The following COL14A1 variants were observed in gnomAD, a reference collection of about 807,000 sequenced individuals.
COL14A1 encodes collagen type XIV alpha 1 chain.
Under a neutral mutation model 230.3 loss-of-function variants are expected in COL14A1, and 136 were observed. The observed-to-expected ratio is 0.59, with a 90% CI of 0.51 to 0.68. The LOEUF (loss-of-function observed/expected upper bound fraction) is 0.68. Among genes scored for constraint, COL14A1 ranks in the 30% least tolerant of loss-of-function variants. The pLI is 0.00. For synonymous variants in COL14A1, 792 were observed against 784.1 expected (o/e 1.01, Z -0.17); for missense variants, 1,976 against 2,215.8 (o/e 0.89, Z 2.17).
At chr8:120,243,041 T>C (rs116479243) in intron 19 of COL14A1, among the ~76,000 whole-genome samples, 2,505 of 152,276 alleles carry the variant, frequency 0.016, 57 homozygotes, top group African/African-American at 0.055. Flanking sequence ...CCAGCCATGA[T>C]TAAGTTCTTT....
chr8:120,294,304 A>T (rs144290957), intron 34 of COL14A1, among the ~76,000 whole-genome samples: 2,147 of 151,882 alleles, frequency 0.014, 30 homozygotes, highest in South Asian at 0.042. Context: ...ACCCCAAGTG[A>T]CTTGCCTTTT....
chr8:120,308,316 A>C (rs753361119), intron 36 of COL14A1, among the ~76,000 whole-genome samples: 68 of 152,364 alleles, frequency 4.5e-4, no homozygotes, highest in Non-Finnish European at 8.1e-4. Context: ...AATTGTGGGA[A>C]TAAAACTACT....
chr8:120,228,776 T>A lies in COL14A1; in HGVS notation c.2197+7T>A, dbSNP rs1563684370. 6.2e-7 allele frequency: 1 copy of A among 1,612,988 alleles called. No homozygotes were observed. Among genetic ancestry groups the A allele is most frequent in the Non-Finnish European group, 8.5e-7 (1 of 1,179,126 alleles). ...ACCACATCTGTGACTTCAGGTAAGG[T>A]CAAATAGTAGCCTGCTTAACCACTT... On this transcript the variant is annotated splice_region_variant and intron_variant, in intron 18 of 47. Transcript: ENST00000297848.
At position 120,231,627 on chromosome 8, in the gene COL14A1, A is replaced by G. The variant is rs776910736; in HGVS notation, c.2349+9A>G. On this transcript the variant is annotated intron_variant, in intron 19 of 47. Coordinates refer to ENST00000297848, the MANE Select transcript of COL14A1 (RefSeq NM_021110.4). ...AAGAAGTCATAGGAACGGTCTGTATAAATTCAACTGACTAGAAACTCTGCA... is the reference window on the plus strand; with the variant it reads ...AAGAAGTCATAGGAACGGTCTGTATGAATTCAACTGACTAGAAACTCTGCA... 2 of 1,611,102 alleles carry G rather than the reference A, an allele frequency of 1.2e-6. No homozygotes were observed. Among genetic ancestry groups the G allele is most frequent in the Non-Finnish European group, 1.7e-6 (2 of 1,178,982 alleles).
At chr8:120,158,017 A>T in intron 2 of COL14A1, 113 bp from the exon 3 acceptor site, 1 of 593,814 alleles carries the variant, frequency 1.7e-6, no homozygotes, top group Non-Finnish European at 3.0e-6. Context: ...ATATATTTTG[A>T]GGCTGATGAA....
intron 5 of COL14A1, among the ~76,000 whole-genome samples, chr8:120,186,046 T>C (rs1404024298): frequency 6.6e-6 from 1 of 152,180 alleles, no homozygotes; most frequent in Non-Finnish European, 1.5e-5. Flanking sequence ...GTGCTGGGAT[T>C]ACAGGCGTGA....
chr8:120,158,755 ATACT>A (rs1209603513), intron 3 of COL14A1, among the ~76,000 whole-genome samples: 3 of 152,166 alleles, frequency 2.0e-5, no homozygotes, highest in African/African-American at 7.2e-5. Context: ...TTTAAAGATG[ATACT>A]TAAATGATGC....
At chr8:120,247,881 A>G (rs1478738926) in intron 21 of COL14A1, 146 bp downstream of exon 21, 26 of 1,014,172 alleles carry the variant, frequency 2.6e-5, no homozygotes, top group Non-Finnish European at 3.4e-5. Context: ...TTGGAAAAAT[A>G]AAGTGTTTTA....
chr8:120,214,977 C>A (rs10808509), intron 13 of COL14A1, among the ~76,000 whole-genome samples: 1 of 152,100 alleles, frequency 6.6e-6, no homozygotes, highest in African/African-American at 2.4e-5. Context: ...AATGAGCATG[C>A]GTGGCAGGTT....
intron 5 of COL14A1, among the ~76,000 whole-genome samples, chr8:120,179,951 A>G (rs1386960779): frequency 6.6e-6 from 1 of 152,188 alleles, no homozygotes; most frequent in Non-Finnish European, 1.5e-5. Context: ...CAATGGGGAA[A>G]GGATTTCCTA....
chr8:120,163,454 T>C (rs1006612192), intron 4 of COL14A1, among the ~76,000 whole-genome samples: 2 of 152,130 alleles, frequency 1.3e-5, no homozygotes, highest in African/African-American at 4.8e-5. Flanking sequence ...AGCATTTCCT[T>C]AGATTGAGTT....
At chr8:120,235,151 A>G (rs12549391) in intron 19 of COL14A1, among the ~76,000 whole-genome samples, 110,913 of 152,000 alleles carry the variant, frequency 0.73, 41,184 homozygotes, top group African/African-American at 0.86. Flanking sequence ...TGTGGGATCA[A>G]TAGTGATATC....
In COL14A1 at chr8:120,188,366, G is replaced by A. The variant is rs111331652; in HGVS notation, c.437-8425G>A. On this transcript the variant is annotated intron_variant, in intron 5 of 47. Transcript: ENST00000297848. Reference sequence around the variant, plus strand: ...CAAAGTGCTGGGATTACAGGCATGAGCCACCACACCCAGACTTAACATTTA... The same window carrying A: ...CAAAGTGCTGGGATTACAGGCATGAACCACCACACCCAGACTTAACATTTA... 3.6e-4 allele frequency among the ~76,000 whole-genome samples: 55 copies of A among 152,242 alleles called. 1 individual carries two copies. Among genetic ancestry groups the A allele is most frequent in the Non-Finnish European group, 1.3e-4 (9 of 68,024 alleles).
At chr8:120,291,559 C>CAA (rs375963111) in intron 34 of COL14A1, among the ~76,000 whole-genome samples, 7,898 of 40,458 alleles carry the variant, frequency 0.2, 549 homozygotes, top group Non-Finnish European at 0.26. Flanking sequence ...GACTCCATCT[C>CAA]AAAAAAAAAA....
At chr8:120,306,115 A>G (rs1443399778) in intron 36 of COL14A1, among the ~76,000 whole-genome samples, 2 of 152,166 alleles carry the variant, frequency 1.3e-5, no homozygotes, top group African/African-American at 4.8e-5. Flanking sequence ...AGGCAGTTTC[A>G]GTTCACATGT....
intron 12 of COL14A1, among the ~76,000 whole-genome samples, chr8:120,211,195 T>C (rs891362656): frequency 1.3e-5 from 2 of 152,130 alleles, no homozygotes; most frequent in Non-Finnish European, 2.9e-5. Flanking sequence ...CTTGCAAGCA[T>C]TTTTCAATGC....
chr8:120,140,659 T>C (rs1478402425), intron 1 of COL14A1, among the ~76,000 whole-genome samples: 1 of 152,314 alleles, frequency 6.6e-6, no homozygotes, highest in African/African-American at 2.4e-5. Flanking sequence ...AGAGTGAGTG[T>C]GTGTGGTTTA....
intron 45 of COL14A1, among the ~76,000 whole-genome samples, chr8:120,355,393 C>T (rs1446174798): frequency 6.6e-6 from 1 of 151,302 alleles, no homozygotes; most frequent in Non-Finnish European, 1.5e-5. Flanking sequence ...GAAAATTCCC[C>T]TAATTTCAGT....
chr8:120,324,029 GT>G (rs1218457639), intron 40 of COL14A1, among the ~76,000 whole-genome samples: 1 of 152,114 alleles, frequency 6.6e-6, no homozygotes, highest in Non-Finnish European at 1.5e-5. Flanking sequence ...TTGAGTACAT[GT>G]GGACACAAAG....
Sources: gnomAD v4.1 joint callset for allele counts (sites outside exome capture counted in the v4.1 genomes callset) on GRCh38, gnomAD v4.1.1 for gene constraint, MANE v1.5 for transcripts, NCBI Gene and HGNC (gene_info 2026-07-23, HGNC 2026-07-21) for gene names.